Variants in SNX13 observed in about 807,000 individuals in gnomAD.
SNX13 encodes the protein sorting nexin-13.
Under a neutral mutation model 133.6 loss-of-function variants are expected in SNX13, and 45 were observed. That is an observed-to-expected ratio of 0.34 (90% CI 0.27 to 0.43). The LOEUF (loss-of-function observed/expected upper bound fraction) is 0.43, where lower values mean the gene tolerates loss of function less well. Ranked by LOEUF, SNX13 falls within the 20% of genes least tolerant of loss-of-function variation. The pLI is 1.00. For missense variants in SNX13, 1,032 were observed against 1,145.1 expected (o/e 0.90, Z 1.43); for synonymous variants, 414 against 373.9 (o/e 1.11, Z -1.24).
At chr7:17,896,553 TG>T (rs1427109260) in intron 2 of SNX13, among the ~76,000 whole-genome samples, 1 of 152,148 alleles carries the variant, frequency 6.6e-6, no homozygotes, top group Non-Finnish European at 1.5e-5. Flanking sequence ...TCCAAATATC[TG>T]GGGTCTCAAA....
At chr7:17,868,935 G>T (rs1280069413) in intron 8 of SNX13, among the ~76,000 whole-genome samples, 4 of 152,016 alleles carry the variant, frequency 2.6e-5, no homozygotes, top group African/African-American at 9.7e-5. Flanking sequence ...GTTACATCTA[G>T]GTGGTTGGTA....
intron 20 of SNX13, among the ~76,000 whole-genome samples, chr7:17,808,116 C>G (rs1453114712): frequency 6.6e-6 from 1 of 152,140 alleles, no homozygotes; most frequent in Admixed American, 6.5e-5. Context: ...GATTGACAAA[C>G]TGACAGAAGT....
At chr7:17,827,884 G>A (rs941149815) in intron 16 of SNX13, among the ~76,000 whole-genome samples, 2 of 151,650 alleles carry the variant, frequency 1.3e-5, no homozygotes, top group African/African-American at 4.8e-5. Flanking sequence ...AGAGGAAATG[G>A]AACAGTCTAC....
At chr7:17,846,728 A>T (rs949922824) in intron 11 of SNX13, among the ~76,000 whole-genome samples, 2 of 152,202 alleles carry the variant, frequency 1.3e-5, no homozygotes, top group Non-Finnish European at 2.9e-5. Context: ...ACTGAATAAT[A>T]ACAGCTAACT....
intron 9 of SNX13, among the ~76,000 whole-genome samples, chr7:17,852,315 G>C (rs1234732363): frequency 1.3e-5 from 2 of 152,164 alleles, no homozygotes; most frequent in African/African-American, 4.8e-5. Flanking sequence ...GGAGGTTGAA[G>C]TGAGCTGAGA....
intron 9 of SNX13, among the ~76,000 whole-genome samples, chr7:17,860,870 T>C (rs1387459333): frequency 1.3e-5 from 2 of 152,196 alleles, no homozygotes; most frequent in African/African-American, 2.4e-5. Flanking sequence ...AGCTTTGTAA[T>C]AGGTTTTGAA....
chr7:17,830,525 T>C (rs1445847485), intron 15 of SNX13: 1 of 984,152 alleles, frequency 1.0e-6, no homozygotes, highest in East Asian at 1.1e-4. Flanking sequence ...AGTCCTCTTA[T>C]TCTTGGTGGT....
intron 12 of SNX13, among the ~76,000 whole-genome samples, chr7:17,842,730 A>ATT (rs1790046141): frequency 6.6e-6 from 1 of 152,066 alleles, no homozygotes; most frequent in African/African-American, 2.4e-5. Flanking sequence ...ACTCATTTAA[A>ATT]AGAACTATTA....
chr7:17,806,411 GC>G (rs1258806070), intron 20 of SNX13, among the ~76,000 whole-genome samples: 2 of 152,050 alleles, frequency 1.3e-5, no homozygotes, highest in Non-Finnish European at 2.9e-5. Context: ...TACTTTAATA[GC>G]TATTTAATTT....
chr7:17,871,127 T>C (rs1216115137), intron 8 of SNX13, among the ~76,000 whole-genome samples: 1 of 151,736 alleles, frequency 6.6e-6, no homozygotes, highest in African/African-American at 2.4e-5. Flanking sequence ...TGCCTCAGCC[T>C]CCCGAGTAGC....
intron 1 of SNX13, among the ~76,000 whole-genome samples, chr7:17,934,382 A>C (rs1051843999): frequency 6.6e-6 from 1 of 152,232 alleles, no homozygotes; most frequent in Non-Finnish European, 1.5e-5. Flanking sequence ...ATAATTTTAG[A>C]TGTCAACTTG....
At chr7:17,868,729 T>A (rs901249557) in intron 8 of SNX13, among the ~76,000 whole-genome samples, 2 of 152,032 alleles carry the variant, frequency 1.3e-5, no homozygotes, top group African/African-American at 4.8e-5. Flanking sequence ...TGGAGTGAAA[T>A]AAAGCAAGAT....
At chr7:17,812,624 A>G (rs1786179435) in intron 20 of SNX13, among the ~76,000 whole-genome samples, 1 of 152,164 alleles carries the variant, frequency 6.6e-6, no homozygotes, top group Non-Finnish European at 1.5e-5. Context: ...ATACCATTTG[A>G]CCCAGTAATC....
rs189597105 is a variant in SNX13, at chr7:17,810,393, C to T, written c.2064+4441G>A. 4.2e-3 allele frequency among the ~76,000 whole-genome samples: 646 copies of T among 152,208 alleles called. 1 individual carries two copies. Among genetic ancestry groups the T allele is most frequent in the Non-Finnish European group, 7.4e-3 (505 of 68,010 alleles). ...GAAGAAACAGAAAAATTCCTAGACA[C>T]ATCCACCCTCCCAAGACTAAACCAA... is the stretch of plus-strand genomic sequence containing the variant. On this transcript the variant is annotated intron_variant, in intron 20 of 25. Coordinates refer to ENST00000428135, the MANE Select transcript of SNX13 (RefSeq NM_015132.5).
At chr7:17,891,492 A>T in intron 4 of SNX13, 54 bp downstream of exon 4, 1 of 1,320,894 alleles carries the variant, frequency 7.6e-7, no homozygotes, top group Non-Finnish European at 1.1e-6. Flanking sequence ...TCTTCAAAAG[A>T]AATATACCTA....
chr7:17,923,836 G>A (rs1197375981), intron 1 of SNX13, among the ~76,000 whole-genome samples: 1 of 152,104 alleles, frequency 6.6e-6, no homozygotes, highest in South Asian at 2.1e-4. Flanking sequence ...AAGTACACTG[G>A]TTGTTGTTAA....
Position 17,875,695 on chromosome 7 carries a change from A to G in SNX13, c.536T>C (p.Ile179Thr). ...LRVFRKAQQK[I>T]TEKDDQVKGT... is the part of the protein sequence containing the mutation. ...TTTCACTTGATCATCTTTCTCTGTT[A>G]TTTTCTGTTGAGCCTTTCTGAATAC... The change falls in exon 6 of 26, where the codon ATA becomes ACA. Residue 179 changes from isoleucine (I) to threonine (T), a missense_variant. Transcript: ENST00000428135. The G allele has an allele frequency of 1.2e-6, 2 of 1,610,914 alleles. No individual in the cohort carries two copies. Among genetic ancestry groups the G allele is most frequent in the Non-Finnish European group, 1.7e-6 (2 of 1,178,132 alleles).
rs1393775479 is a variant in SNX13 at position 17,850,732 on chromosome 7, A to G, written c.976+94T>C. 6 of 1,011,834 alleles carry G rather than the reference A, an allele frequency of 5.9e-6. No individual in the cohort carries two copies. In the East Asian group the frequency reaches 1.7e-4, roughly 29 times the overall value. The allele number at this position is 1,011,834 out of a possible 1,614,324, so 62.7% of individuals were successfully genotyped here. On this transcript the variant is annotated intron_variant, in intron 10 of 25. Coordinates refer to ENST00000428135, the MANE Select transcript of SNX13 (RefSeq NM_015132.5). ...AGATTTAATTAAGGTGAAAACATTAATATCAGAAAATGACATTTAGGTAAA... is the reference window on the plus strand; with the variant it reads ...AGATTTAATTAAGGTGAAAACATTAGTATCAGAAAATGACATTTAGGTAAA...
At chr7:17,841,933 ATTAATAAAAG>A (rs1201279219) in intron 12 of SNX13, among the ~76,000 whole-genome samples, 2 of 152,096 alleles carry the variant, frequency 1.3e-5, no homozygotes, top group African/African-American at 4.8e-5. Context: ...GTAAGGATAG[ATTAATAAAAG>A]TTTTAGATTC....
Sources: allele counts gnomAD v4.1 joint callset (sites outside exome capture counted in the v4.1 genomes callset), GRCh38; gene constraint gnomAD v4.1.1; transcripts MANE v1.5; gene names NCBI Gene and HGNC (gene_info 2026-07-23, HGNC 2026-07-21).